The following POLDIP2 variants were observed in gnomAD, a reference collection of about 807,000 sequenced individuals.
The protein encoded by POLDIP2 is polymerase delta-interacting protein 2.
POLDIP2 carries 32 observed loss-of-function variants against 52.9 expected under a neutral mutation model. The observed-to-expected ratio is 0.61, with a 90% CI of 0.46 to 0.81. The LOEUF (loss-of-function observed/expected upper bound fraction) is 0.81, where lower values mean the gene tolerates loss of function less well. POLDIP2 is among the 40% of genes least tolerant of loss of function. The pLI is 0.00. For synonymous variants in POLDIP2, 183 were observed against 183.0 expected, an observed-to-expected ratio of 1.00 and a Z score of 0.00; for missense variants, 371 against 477.3, an observed-to-expected ratio of 0.78 and a Z score of 2.07.
At chr17:28,353,925 G>C in intron 3 of POLDIP2, 134 bp from the exon 4 acceptor site, 1 of 670,814 alleles carries the variant, frequency 1.5e-6, no homozygotes, top group Non-Finnish European at 2.7e-6. Flanking sequence ...CTGGACACCT[G>C]CTCTGCAGCA....
intron 7 of POLDIP2, 127 bp from the exon 8 acceptor site, chr17:28,350,919 G>A: frequency 1.2e-6 from 1 of 801,098 alleles, no homozygotes. Context: ...GAGTATCTGT[G>A]GGATAAGGGT....
intron 2 of POLDIP2, 69 bp from the exon 3 acceptor site, chr17:28,354,654 A>C: frequency 2.0e-6 from 2 of 1,018,228 alleles, no homozygotes; most frequent in Non-Finnish European, 3.0e-6. Flanking sequence ...CCCAGACCAC[A>C]AAGCAACACA....
At position 28,357,487 on chromosome 17, in the gene POLDIP2, C is replaced by A. The variant is rs1269103510; in HGVS notation, c.-39G>T. The A allele has an allele frequency of 2.8e-6, 4 of 1,433,652 alleles. No homozygotes were observed. In the East Asian group the frequency reaches 7.9e-5, roughly 28 times the overall value. The allele number at this position is 1,433,652 out of a possible 1,614,324, so 88.8% of individuals were successfully genotyped here. ...GCCCGCCCGGCTGCTGACACAGAGC[C>A]CGACCCGCGGCCGGGCGGCGTTCCG... On this transcript the variant is annotated 5_prime_UTR_variant, in exon 1 of 11. Transcript: ENST00000540200.
In POLDIP2 at chr17:28,357,480, A is replaced by C. The variant is rs1358371820; in HGVS notation, c.-32T>G. The C allele has an allele frequency of 4.2e-6, 6 of 1,432,632 alleles. No homozygotes were observed. The African/African-American group carries it at 6.0e-5, about 14-fold the overall frequency. The allele number at this position is 1,432,632 out of a possible 1,614,324, so 88.7% of individuals were successfully genotyped here. A position where few individuals can be genotyped will look rare whatever the true frequency, so the allele number is the denominator to read the frequency against. ...CCCGAGCGCCCGCCCGGCTGCTGAC[A>C]CAGAGCCCGACCCGCGGCCGGGCGG... is the stretch of plus-strand genomic sequence containing the variant. On this transcript the variant is annotated 5_prime_UTR_variant, in exon 1 of 11. Transcript: ENST00000540200.
At position 28,356,246 on chromosome 17, in the gene POLDIP2, CTTT is replaced by C. The variant is rs548931888; in HGVS notation, c.162-373_162-371del. On this transcript the variant is annotated intron_variant, in intron 1 of 10. Coordinates refer to ENST00000540200, the MANE Select transcript of POLDIP2 (RefSeq NM_015584.5). ...TTCAATTTTTTTAGAAGGGGAGTAT[CTTT>C]TTTTCTTCTTTTCTTACATTTTCTA... Among the ~76,000 whole-genome samples, 81 of 152,092 alleles carry C rather than the reference CTTT, an allele frequency of 5.3e-4. 2 individuals carry two copies. The South Asian group carries it at 0.016, about 30-fold the overall frequency.
At chr17:28,350,639 A>G (rs1907761538) in intron 8 of POLDIP2, 76 bp from the exon 9 acceptor site, 3 of 1,581,132 alleles carry the variant, frequency 1.9e-6, no homozygotes, top group East Asian at 2.3e-5. Flanking sequence ...GTGCAAAGCA[A>G]AAGTCAACAA....
rs1555579998 is a variant in POLDIP2, at chr17:28,351,710, G to C, written c.713C>G (p.Thr238Ser). Residue 238 changes from threonine (T) to serine (S), a missense_variant, in exon 7 of 11, where the codon ACT becomes AGT. Coordinates refer to ENST00000540200, the MANE Select transcript of POLDIP2 (RefSeq NM_015584.5). ...LELSDVHRET[T>S]ENIRVTVIPF... Reference sequence around the variant, plus strand: ...GATGACAGTGACACGTATGTTCTCAGTTGTTTCCCGATGAACATCGGAGAG... The same window carrying C: ...GATGACAGTGACACGTATGTTCTCACTTGTTTCCCGATGAACATCGGAGAG... 6.2e-7 allele frequency: 1 copy of C among 1,613,756 alleles called. No individual in the cohort carries two copies. Among genetic ancestry groups the C allele is most frequent in the Non-Finnish European group, 8.5e-7 (1 of 1,179,768 alleles).
chr17:28,353,142 TCATAA>T (rs2142397573), intron 5 of POLDIP2, 94 bp downstream of exon 5: 1 of 760,176 alleles, frequency 1.3e-6, no homozygotes, highest in East Asian at 2.6e-5. Flanking sequence ...CCTCTCAGCA[TCATAA>T]TCCCTCCCAG....
At chr17:28,355,767 A>G (rs1908000459) in intron 2 of POLDIP2, 28 bp downstream of exon 2, 2 of 1,573,714 alleles carry the variant, frequency 1.3e-6, no homozygotes, top group South Asian at 2.3e-5. Flanking sequence ...CTCTATGAAA[A>G]TGAAAGATGA....
intron 1 of POLDIP2, among the ~76,000 whole-genome samples, 159 bp downstream of exon 1, chr17:28,357,129 G>C (rs1386087195): frequency 6.6e-6 from 1 of 152,240 alleles, no homozygotes; most frequent in Non-Finnish European, 1.5e-5. Context: ...CCTGGCACAT[G>C]TCCCAGACAG....
chr17:28,357,224 G>T (rs554342428), intron 1 of POLDIP2, 64 bp downstream of exon 1: 2 of 1,459,314 alleles, frequency 1.4e-6, no homozygotes, highest in South Asian at 1.3e-5. Flanking sequence ...CCTCCGCACT[G>T]GCTAGGAACA....
intron 1 of POLDIP2, among the ~76,000 whole-genome samples, chr17:28,357,048 G>C (rs1387915240): frequency 2.6e-5 from 4 of 152,252 alleles, no homozygotes; most frequent in African/African-American, 9.6e-5. Context: ...TTCACTTGGG[G>C]AGGGTAACCT....
At chr17:28,354,777 T>A (rs1342514659) in intron 2 of POLDIP2, among the ~76,000 whole-genome samples, 192 bp from the exon 3 acceptor site, 16 of 152,208 alleles carry the variant, frequency 1.1e-4, no homozygotes, top group African/African-American at 3.9e-4. Flanking sequence ...ACTCTACTCA[T>A]CCTTTAGGTA....
At chr17:28,350,403 C>T (rs1907751149) in intron 9 of POLDIP2, 35 bp downstream of exon 9, 1 of 1,577,708 alleles carries the variant, frequency 6.3e-7, no homozygotes, top group South Asian at 1.2e-5. Flanking sequence ...AGGCTTGCCA[C>T]ACAGGACCAG....
At position 28,349,026 on chromosome 17, in the gene POLDIP2, C is replaced by A. The variant is rs1907694833; in HGVS notation, c.992+57G>T. On this transcript the variant is annotated intron_variant, in intron 10 of 10. Transcript: ENST00000540200. ...AAGCTCTAAGCTCTCACTTTTCTGA[C>A]CTACAGCTTCTGTTTGTGGAGCTGG... is the stretch of plus-strand genomic sequence containing the variant. 4.0e-6 allele frequency: 5 copies of A among 1,264,008 alleles called. No homozygotes were observed. In the African/African-American group the frequency reaches 4.4e-5, roughly 11 times the overall value. 78.3% of individuals were successfully genotyped at this position (1,264,008 alleles called of 1,614,324 possible). A position where few individuals can be genotyped will look rare whatever the true frequency, so the allele number is the denominator to read the frequency against.
At chr17:28,353,534 A>AAAAAAAAAAAAAC in intron 4 of POLDIP2, among the ~76,000 whole-genome samples, 161 bp downstream of exon 4, 1 of 147,470 alleles carries the variant, frequency 6.8e-6, no homozygotes, top group Admixed American at 6.8e-5. Flanking sequence ...AAAAAAAAAA[A>AAAAAAAAAAAAAC]AGACGTGAAT....
chr17:28,349,753 G>A (rs1231599943), intron 9 of POLDIP2, among the ~76,000 whole-genome samples: 1 of 152,104 alleles, frequency 6.6e-6, no homozygotes, highest in Non-Finnish European at 1.5e-5. Flanking sequence ...TAAGATAACT[G>A]GTGTGATCCA....
intron 2 of POLDIP2, among the ~76,000 whole-genome samples, chr17:28,355,454 A>C (rs1907979329): frequency 6.6e-6 from 1 of 152,150 alleles, no homozygotes; most frequent in African/African-American, 2.4e-5. Flanking sequence ...CTAAAAGTAC[A>C]AAATTAGCCA....
At chr17:28,352,019 T>C (rs896224222) in intron 6 of POLDIP2, among the ~76,000 whole-genome samples, 1 of 152,060 alleles carries the variant, frequency 6.6e-6, no homozygotes, top group African/African-American at 2.4e-5. Context: ...TGTGATACAA[T>C]GGGAAAACAA....
Sources: allele counts gnomAD v4.1 joint callset (sites outside exome capture counted in the v4.1 genomes callset), GRCh38; gene constraint gnomAD v4.1.1; transcripts MANE v1.5; gene names NCBI Gene and HGNC (gene_info 2026-07-23, HGNC 2026-07-21).